DDX46: variants seen among roughly 807,000 people sequenced by gnomAD.
DDX46 encodes the protein probable ATP-dependent RNA helicase DDX46.
DDX46 carries 30 observed loss-of-function variants against 134.9 expected under a neutral mutation model. The observed-to-expected ratio is 0.22, with a 90% CI of 0.17 to 0.30. The LOEUF is 0.30. Among genes scored for constraint, DDX46 ranks in the 10% least tolerant of loss-of-function variants. The probability of loss-of-function intolerance (pLI) is 1.00; values close to 1 mark genes in which losing one functional copy is unlikely to be tolerated. For missense variants in DDX46, 622 were observed against 1,248.7 expected (o/e 0.50, Z 7.56); for synonymous variants, 415 against 404.1 (o/e 1.03, Z -0.32).
intron 15 of DDX46, chr5:134,797,189 A>AAAAAAAAAAAAAC: frequency 3.5e-6 from 1 of 286,916 alleles, no homozygotes; most frequent in East Asian, 1.2e-4. Context: ...AAAAAAAAAA[A>AAAAAAAAAAAAAC]AAAAAAAACA....
chr5:134,761,322 G>T (rs1242579917), intron 1 of DDX46, among the ~76,000 whole-genome samples: 6 of 152,226 alleles, frequency 3.9e-5, no homozygotes, highest in Admixed American at 3.9e-4. Context: ...GCTGTGCCCA[G>T]CCAATTGGTG....
chr5:134,812,344 C>T (rs772977451), intron 18 of DDX46, among the ~76,000 whole-genome samples: 4 of 151,954 alleles, frequency 2.6e-5, no homozygotes, highest in Admixed American at 6.6e-5. Flanking sequence ...GGATTACAGG[C>T]GTGAGCCACC....
In DDX46 at chr5:134,811,268, T is replaced by A; in HGVS notation, c.2196T>A (p.Gly732=). 1.9e-6 allele frequency: 3 copies of A among 1,614,068 alleles called. No homozygotes were observed. Among genetic ancestry groups the A allele is most frequent in the Non-Finnish European group, 2.5e-6 (3 of 1,179,986 alleles). Residue 732 remains glycine (G), a synonymous_variant, in exon 17 of 23, where the codon GGT becomes GGA. Transcript: ENST00000452510. Reference sequence around the variant, plus strand: ...CAGAGGATCAAGCTCGCTATGCTGGTGACATAATTAAAGCTCTTGAATTGT... The same window carrying A: ...CAGAGGATCAAGCTCGCTATGCTGGAGACATAATTAAAGCTCTTGAATTGT... ...FITEDQARYA[G]DIIKALELSG... is the part of the protein sequence containing the mutation.
intron 5 of DDX46, among the ~76,000 whole-genome samples, chr5:134,775,793 AG>A (rs1753917116): frequency 6.6e-6 from 1 of 152,146 alleles, no homozygotes; most frequent in African/African-American, 2.4e-5. Flanking sequence ...CGCCCAGCCA[AG>A]TAGTCGTGAT....
chr5:134,791,902 G>T (rs552680618), intron 13 of DDX46, among the ~76,000 whole-genome samples: 1 of 152,366 alleles, frequency 6.6e-6, no homozygotes, highest in East Asian at 1.9e-4. Flanking sequence ...TTTGGGCAGG[G>T]AATGGTGGCT....
intron 4 of DDX46, among the ~76,000 whole-genome samples, chr5:134,772,068 TAA>T (rs1294643880): frequency 3.3e-5 from 5 of 151,614 alleles, no homozygotes; most frequent in Admixed American, 6.6e-5. Flanking sequence ...CCGTCACTAC[TAA>T]AAATACAAAA....
intron 15 of DDX46, among the ~76,000 whole-genome samples, chr5:134,807,048 A>G (rs755887900): frequency 4.9e-5 from 7 of 143,346 alleles, no homozygotes; most frequent in Non-Finnish European, 9.0e-5. Flanking sequence ...TAGATTCTGC[A>G]TTTCCTTTTT....
In DDX46 at chr5:134,811,850, G is replaced by A; in HGVS notation, c.2436+5G>A. 6.2e-7 allele frequency: 1 copy of A among 1,605,904 alleles called. No homozygotes were observed. The highest frequency in any genetic ancestry group is 8.5e-7 in the Non-Finnish European group (1 of 1,177,970). ...GATGAGGATGCTGCAGTTGATGTAA[G>A]TACTATTATTCTCTCATTCTTAATT... On this transcript the variant is annotated splice_donor_5th_base_variant and intron_variant, in intron 18 of 22. Coordinates refer to ENST00000452510, the MANE Select transcript of DDX46 (RefSeq NM_001300860.2).
In DDX46 at chr5:134,794,326, C is replaced by G. The variant is rs780033986; in HGVS notation, c.1627-524C>G. 9.2e-5 allele frequency among the ~76,000 whole-genome samples: 14 copies of G among 152,280 alleles called. No homozygotes were observed. In the Middle Eastern group the frequency reaches 0.02, roughly 222 times the overall value. ...CAGAAAATAGCCACAATTTATCTTC[C>G]AGGCTTTTCTCAGGAAGTTGCAAAC... On this transcript the variant is annotated intron_variant, in intron 13 of 22. Coordinates refer to ENST00000452510, the MANE Select transcript of DDX46 (RefSeq NM_001300860.2).
chr5:134,807,241 C>T (rs1444463760), intron 15 of DDX46, among the ~76,000 whole-genome samples: 2 of 147,570 alleles, frequency 1.4e-5, no homozygotes, highest in Non-Finnish European at 1.5e-5. Flanking sequence ...AGGCTGGTCT[C>T]GAACTCCTGA....
intron 21 of DDX46, among the ~76,000 whole-genome samples, chr5:134,822,108 A>G (rs1482030570): frequency 6.6e-6 from 1 of 151,106 alleles, no homozygotes; most frequent in African/African-American, 2.4e-5. Context: ...TGAACTCCTG[A>G]CCTCAGGTGA....
intron 3 of DDX46, among the ~76,000 whole-genome samples, chr5:134,768,573 C>T (rs1272009276): frequency 6.6e-6 from 1 of 150,504 alleles, no homozygotes; most frequent in Admixed American, 6.6e-5. Context: ...TCTTCTTCAC[C>T]TCTAGGTATC....
intron 13 of DDX46, among the ~76,000 whole-genome samples, chr5:134,792,747 G>A (rs953485421): frequency 2.0e-5 from 3 of 152,160 alleles, no homozygotes; most frequent in African/African-American, 7.2e-5. Context: ...GATTAATTCA[G>A]CATTATCTCA....
intron 8 of DDX46, among the ~76,000 whole-genome samples, chr5:134,782,729 C>T (rs1754193759): frequency 6.6e-6 from 1 of 152,010 alleles, no homozygotes; most frequent in Non-Finnish European, 1.5e-5. Flanking sequence ...TTTGTTGAGA[C>T]AGGGTTTCAC....
chr5:134,771,018 AAAT>A lies in DDX46; in HGVS notation c.447+23_447+25del. ...TGCTGGCGTATGTTTATTAACTTAAAAATAATTTTCTTTCTTTCTTTTTGTCTT... is the reference window on the plus strand; with the variant it reads ...TGCTGGCGTATGTTTATTAACTTAAAAATTTTCTTTCTTTCTTTTTGTCTT... On this transcript the variant is annotated intron_variant, in intron 4 of 22. Transcript: ENST00000452510. The A allele has an allele frequency of 1.0e-6, 1 of 996,704 alleles. No homozygotes were observed. 61.7% of individuals were successfully genotyped at this position (996,704 alleles called of 1,614,324 possible).
At chr5:134,794,828 T>G in intron 13 of DDX46, 22 bp from the exon 14 acceptor site, 1 of 1,612,090 alleles carries the variant, frequency 6.2e-7, no homozygotes, top group Non-Finnish European at 8.5e-7. Flanking sequence ...CATATTTATT[T>G]GTAATGTTTT....
At chr5:134,791,566 A>C (rs547051349) in intron 13 of DDX46, among the ~76,000 whole-genome samples, 1 of 152,276 alleles carries the variant, frequency 6.6e-6, no homozygotes, top group East Asian at 1.9e-4. Context: ...GTCTCAAAAA[A>C]AAAAAAAAGT....
At chr5:134,824,576 T>C (rs540497164) in intron 21 of DDX46, among the ~76,000 whole-genome samples, 2 of 151,932 alleles carry the variant, frequency 1.3e-5, no homozygotes, top group African/African-American at 4.8e-5. Flanking sequence ...CGAAACTCTG[T>C]CTCAAAAAAA....
Position 134,801,795 on chromosome 5 carries a change from TG to T in DDX46, c.1954+5646del, listed in dbSNP as rs555699821. Among the ~76,000 whole-genome samples the T allele has an allele frequency of 3.7e-3, 561 of 152,320 alleles. 4 individuals carry two copies. The highest frequency in any genetic ancestry group is 0.012 in the African/African-American group (497 of 41,564). On this transcript the variant is annotated intron_variant, in intron 15 of 22. Coordinates refer to ENST00000452510, the MANE Select transcript of DDX46 (RefSeq NM_001300860.2). ...TCTGTTTAAGGACATTTTAGTTGGT[TG>T]TTTTTTTTATAATTATGAATAAAGC...
Sources: gnomAD v4.1 joint callset for allele counts (sites outside exome capture counted in the v4.1 genomes callset) on GRCh38, gnomAD v4.1.1 for gene constraint, MANE v1.5 for transcripts, NCBI Gene and HGNC (gene_info 2026-07-23, HGNC 2026-07-21) for gene names.